The following ERBB4 variants were observed in gnomAD, a reference collection of about 807,000 sequenced individuals.
The protein encoded by ERBB4 is receptor tyrosine-protein kinase erbB-4.
In ERBB4, 42 loss-of-function variants were observed where a neutral mutation model predicts 158.0. The observed-to-expected ratio is 0.27, with a 90% confidence interval of 0.21 to 0.34. ERBB4 has a LOEUF of 0.34. Ranked by LOEUF, ERBB4 falls within the 10% of genes least tolerant of loss-of-function variation. The probability of loss-of-function intolerance (pLI) is 1.00; values close to 1 mark genes in which losing one functional copy is unlikely to be tolerated. For missense variants in ERBB4, 1,333 were observed against 1,624.1 expected (o/e 0.82, Z 3.08); for synonymous variants, 583 against 558.7 (o/e 1.04, Z -0.61).
chr2:211,670,727 G>A (rs545773587), intron 14 of ERBB4, among the ~76,000 whole-genome samples: 18 of 152,168 alleles, frequency 1.2e-4, no homozygotes, highest in Non-Finnish European at 2.1e-4. Flanking sequence ...ATACCTACAA[G>A]ACAATAAAAT....
At chr2:211,924,778 T>C (rs780698651) in intron 3 of ERBB4, among the ~76,000 whole-genome samples, 3 of 152,168 alleles carry the variant, frequency 2.0e-5, no homozygotes, top group Admixed American at 6.5e-5. Context: ...TTGATGTACT[T>C]AATATATAGC....
At chr2:212,235,543 T>G (rs1322771824) in intron 1 of ERBB4, among the ~76,000 whole-genome samples, 2 of 152,322 alleles carry the variant, frequency 1.3e-5, no homozygotes, top group African/African-American at 2.4e-5. Flanking sequence ...GCATTGAATC[T>G]ATAAATTACT....
intron 1 of ERBB4, among the ~76,000 whole-genome samples, chr2:212,448,642 A>T (rs1406044990): frequency 1.3e-5 from 2 of 152,184 alleles, no homozygotes; most frequent in Non-Finnish European, 2.9e-5. Context: ...AACATCAGGC[A>T]TGGAGATTCT....
At chr2:212,080,690 A>T (rs1056705436) in intron 2 of ERBB4, among the ~76,000 whole-genome samples, 1 of 151,152 alleles carries the variant, frequency 6.6e-6, no homozygotes, top group African/African-American at 2.5e-5. Flanking sequence ...AAAAAAAAAA[A>T]AAAACCTCTT....
At chr2:212,476,940 T>A (rs765192834) in intron 1 of ERBB4, among the ~76,000 whole-genome samples, 13 of 152,170 alleles carry the variant, frequency 8.5e-5, no homozygotes, top group Non-Finnish European at 1.3e-4. Context: ...TTTTAGCTTC[T>A]GTTCTTTTCA....
chr2:211,671,595 T>C (rs914287673), intron 14 of ERBB4, among the ~76,000 whole-genome samples: 6 of 152,186 alleles, frequency 3.9e-5, no homozygotes, highest in Non-Finnish European at 8.8e-5. Flanking sequence ...GTCTAATATA[T>C]ATTATGATTG....
At chr2:211,529,955 C>T (rs2066451066) in intron 20 of ERBB4, among the ~76,000 whole-genome samples, 2 of 152,090 alleles carry the variant, frequency 1.3e-5, no homozygotes, top group East Asian at 3.9e-4. Context: ...TGCCCACCCT[C>T]ACCATTGTTA....
At chr2:212,450,032 A>G (rs186905671) in intron 1 of ERBB4, among the ~76,000 whole-genome samples, 1 of 152,320 alleles carries the variant, frequency 6.6e-6, no homozygotes, top group African/African-American at 2.4e-5. Context: ...TGAATCATTT[A>G]AAAAGTCTGG....
At chr2:212,459,198 G>T (rs1453341759) in intron 1 of ERBB4, among the ~76,000 whole-genome samples, 2 of 150,716 alleles carry the variant, frequency 1.3e-5, no homozygotes, top group Non-Finnish European at 3.0e-5. Context: ...TCTTTGAGTT[G>T]TTTTTTTTTA....
At position 211,381,932 on chromosome 2, in the gene ERBB4, A is replaced by G. The variant is rs993914193; in HGVS notation, c.*1683T>C. On this transcript the variant is annotated 3_prime_UTR_variant, in exon 28 of 28. Transcript: ENST00000342788. Reference sequence around the variant, plus strand: ...GATGTGAGGCCCCCTTTACTTGGAGACTCATCTCTGTCATTTGTTCTCATC... The same window carrying G: ...GATGTGAGGCCCCCTTTACTTGGAGGCTCATCTCTGTCATTTGTTCTCATC... The G allele has an allele frequency of 4.4e-6, 1 of 229,630 alleles. No individual in the cohort carries two copies. Among genetic ancestry groups the G allele is most frequent in the Admixed American group, 5.7e-5 (1 of 17,648 alleles). 14.2% of individuals were successfully genotyped at this position (229,630 alleles called of 1,614,324 possible).
At chr2:211,476,202 G>A (rs2064948931) in intron 20 of ERBB4, among the ~76,000 whole-genome samples, 1 of 152,108 alleles carries the variant, frequency 6.6e-6, no homozygotes, top group South Asian at 2.1e-4. Context: ...AAGGCTCTGA[G>A]CTTTGGACAG....
intron 3 of ERBB4, among the ~76,000 whole-genome samples, chr2:211,912,920 C>G (rs571580796): frequency 1.3e-5 from 2 of 152,180 alleles, no homozygotes; most frequent in Non-Finnish European, 2.9e-5. Context: ...CCACTTTTGA[C>G]AGGCAGGACT....
intron 1 of ERBB4, among the ~76,000 whole-genome samples, chr2:212,484,379 T>C (rs1424436836): frequency 6.6e-6 from 1 of 151,262 alleles, no homozygotes; most frequent in Non-Finnish European, 1.5e-5. Flanking sequence ...CGTTCACATA[T>C]ATAATAGAAT....
chr2:211,489,566 C>T (rs984399952), intron 20 of ERBB4, among the ~76,000 whole-genome samples: 4 of 151,814 alleles, frequency 2.6e-5, no homozygotes, highest in African/African-American at 9.7e-5. Context: ...GTTTAGTAGC[C>T]ATTGTCAAGC....
chr2:212,129,241 T>TA (rs899153918), intron 1 of ERBB4, among the ~76,000 whole-genome samples: 4 of 151,554 alleles, frequency 2.6e-5, no homozygotes, highest in Non-Finnish European at 5.9e-5. Flanking sequence ...AATATTAATA[T>TA]AAAAAATCAA....
chr2:211,507,128 G>A (rs1175563184), intron 20 of ERBB4, among the ~76,000 whole-genome samples: 1 of 151,888 alleles, frequency 6.6e-6, no homozygotes, highest in African/African-American at 2.4e-5. Context: ...ATGAATTTCT[G>A]GAAACATACA....
At chr2:212,170,230 T>C (rs1321090748) in intron 1 of ERBB4, among the ~76,000 whole-genome samples, 2 of 152,208 alleles carry the variant, frequency 1.3e-5, no homozygotes, top group African/African-American at 2.4e-5. Flanking sequence ...GAGGAATTTA[T>C]TGGGAACAAG....
chr2:211,821,308 A>T (rs367687706), intron 3 of ERBB4, among the ~76,000 whole-genome samples: 1 of 152,028 alleles, frequency 6.6e-6, no homozygotes, highest in African/African-American at 2.4e-5. Flanking sequence ...AAATAAATTT[A>T]ACCAAGTAGG....
In ERBB4 at chr2:211,525,467, G is replaced by A. The variant is rs115228976; in HGVS notation, c.2487+36436C>T. Among the ~76,000 whole-genome samples, 715 of 152,250 alleles carry A rather than the reference G, an allele frequency of 4.7e-3. 11 individuals carry two copies. Among genetic ancestry groups the A allele is most frequent in the African/African-American group, 0.016 (675 of 41,566 alleles). On this transcript the variant is annotated intron_variant, in intron 20 of 27. Coordinates refer to ENST00000342788, the MANE Select transcript of ERBB4 (RefSeq NM_005235.3). Reference sequence around the variant, plus strand: ...CAGAAGAAAACCTGCTGTCTTGAAAGGAAAGACCTAGTCCTGGTAGGATCC... The same window carrying A: ...CAGAAGAAAACCTGCTGTCTTGAAAAGAAAGACCTAGTCCTGGTAGGATCC...
Sources: allele counts gnomAD v4.1 joint callset (sites outside exome capture counted in the v4.1 genomes callset), GRCh38; gene constraint gnomAD v4.1.1; transcripts MANE v1.5; gene names NCBI Gene and HGNC (gene_info 2026-07-23, HGNC 2026-07-21).